BRSK2: variants seen among roughly 807,000 people sequenced by gnomAD.
BRSK2 encodes BR serine/threonine kinase 2.
A neutral mutation model predicts 83.3 loss-of-function variants in BRSK2; 19 were observed. The observed-to-expected ratio is 0.23, with a 90% CI of 0.16 to 0.33. The LOEUF is 0.33. BRSK2 is among the 10% of genes least tolerant of loss of function. The probability of loss-of-function intolerance (pLI) is 1.00; values close to 1 mark genes in which losing one functional copy is unlikely to be tolerated. For synonymous variants in BRSK2, 519 were observed against 435.4 expected (o/e 1.19, Z -2.39); for missense variants, 798 against 1,042.3 (o/e 0.77, Z 3.23).
intron 1 of BRSK2, among the ~76,000 whole-genome samples, chr11:1,429,176 T>G (rs904338915): frequency 4.9e-5 from 7 of 143,272 alleles, no homozygotes; most frequent in Non-Finnish European, 1.1e-4. Flanking sequence ...GTGTGTGTCC[T>G]GGGTGCATGC....
intron 1 of BRSK2, among the ~76,000 whole-genome samples, chr11:1,396,311 C>CTCCTCGT (rs1377694381): frequency 6.6e-6 from 1 of 152,062 alleles, no homozygotes; most frequent in African/African-American, 2.4e-5. Flanking sequence ...CTTACAGCCG[C>CTCCTCGT]CTCGAGGACT....
At chr11:1,436,181 G>A (rs1279170067) in intron 2 of BRSK2, 47 bp downstream of exon 2, 5 of 733,222 alleles carry the variant, frequency 6.8e-6, no homozygotes, top group Non-Finnish European at 7.7e-6. Context: ...GGGGTGGGGC[G>A]GGGAATAGCA....
chr11:1,423,965 T>C lies in BRSK2; in HGVS notation c.92-12075T>C, dbSNP rs1326294283. On this transcript the variant is annotated intron_variant, in intron 1 of 19. Coordinates refer to ENST00000528841, the MANE Select transcript of BRSK2 (RefSeq NM_001256627.2). The surrounding 1 kb of genome is among the most constrained non-coding windows in gnomAD (Gnocchi z 6.5). ...CACACTTTCCTCGGCCTTTCTCTGA[T>C]AGGAAGGCTGGTAGTTGGGTTTAGT... 1.3e-5 allele frequency among the ~76,000 whole-genome samples: 2 copies of C among 152,054 alleles called. No individual in the cohort carries two copies. Among genetic ancestry groups the C allele is most frequent in the Non-Finnish European group, 2.9e-5 (2 of 68,014 alleles).
At chr11:1,414,117 A>T (rs1459748781) in intron 1 of BRSK2, among the ~76,000 whole-genome samples, 1 of 152,266 alleles carries the variant, frequency 6.6e-6, no homozygotes, top group Admixed American at 6.5e-5. Flanking sequence ...ACATAAAGAT[A>T]TTCAAATTAA....
chr11:1,416,297 C>G (rs1043270221), intron 1 of BRSK2, among the ~76,000 whole-genome samples: 3 of 152,214 alleles, frequency 2.0e-5, no homozygotes, highest in Non-Finnish European at 4.4e-5. Context: ...GACGTCCTTC[C>G]AGCCACACAG....
chr11:1,450,576 C>T lies in BRSK2; in HGVS notation c.1288-11C>T, dbSNP rs369326270. On this transcript the variant is annotated splice_polypyrimidine_tract_variant and intron_variant, in intron 13 of 19. Transcript: ENST00000528841. ...ATTGAACCAAACACCAAATCTGTCC[C>T]CACCATACAGGTGACCCCTCACCCC... The T allele has an allele frequency of 4.5e-4, 686 of 1,515,364 alleles. 1 individual carries two copies. Among genetic ancestry groups the T allele is most frequent in the South Asian group, 1.1e-3 (89 of 83,936 alleles). 93.9% of individuals were successfully genotyped at this position (1,515,364 alleles called of 1,614,324 possible). A position where few individuals can be genotyped will look rare whatever the true frequency, so the allele number is the denominator to read the frequency against.
intron 1 of BRSK2, among the ~76,000 whole-genome samples, chr11:1,427,323 A>G (rs1221034787): frequency 1.3e-5 from 2 of 152,108 alleles, no homozygotes; most frequent in Non-Finnish European, 2.9e-5. Context: ...AAGGCCCCTC[A>G]CTTCTTGGCC....
At chr11:1,435,923 C>T (rs551352724) in intron 1 of BRSK2, 117 bp from the exon 2 acceptor site, 284 of 694,188 alleles carry the variant, frequency 4.1e-4, no homozygotes, top group Admixed American at 1.2e-3. Context: ...GGCCCTGGAG[C>T]GGGTGGGACC....
At position 1,461,058 on chromosome 11, in the gene BRSK2, CCT is replaced by C; in HGVS notation, c.*336_*337del. 1 of 1,601,326 alleles carries C rather than the reference CCT, an allele frequency of 6.2e-7. No homozygotes were observed. The highest frequency in any genetic ancestry group is 2.2e-5 in the East Asian group (1 of 44,686). ...GCTGCGGACCCGCCCTCCCTCCGCT[CCT>C]GCTGTTGCTGCCGGGCAGTGAGGCC... On this transcript the variant is annotated 3_prime_UTR_variant, in exon 20 of 20. Coordinates refer to ENST00000528841, the MANE Select transcript of BRSK2 (RefSeq NM_001256627.2).
Position 1,438,252 on chromosome 11 carries a change from G to A in BRSK2, c.187-54G>A. ...GCACCAAAGGCAGTGTCTGTGGGGA[G>A]CGATGCGTGCCCCAGCCCTGTGAGC... On this transcript the variant is annotated intron_variant, in intron 2 of 19. Transcript: ENST00000528841. This position sits in a 1 kb window ranked among gnomAD's most constrained non-coding sequence, Gnocchi z 6.4. 1 of 1,551,496 alleles carries A rather than the reference G, an allele frequency of 6.4e-7. No homozygotes were observed. Among genetic ancestry groups the A allele is most frequent in the South Asian group, 1.1e-5 (1 of 89,364 alleles).
chr11:1,439,547 C>T (rs759186577), intron 3 of BRSK2, among the ~76,000 whole-genome samples: 5 of 118,616 alleles, frequency 4.2e-5, no homozygotes, highest in African/African-American at 1.3e-4. Flanking sequence ...CAGGGGAGTG[C>T]GGGGGGGATG....
intron 1 of BRSK2, among the ~76,000 whole-genome samples, chr11:1,396,658 C>G (rs182278795): frequency 1.3e-5 from 2 of 152,374 alleles, no homozygotes; most frequent in Non-Finnish European, 2.9e-5. Context: ...TCTGTGCCTT[C>G]CAGTCCTCAC....
chr11:1,451,239 T>C (rs1590655685), intron 14 of BRSK2, 132 bp from the exon 15 acceptor site: 1 of 985,130 alleles, frequency 1.0e-6, no homozygotes. Flanking sequence ...GGTGGACCAG[T>C]GCCCCTGGGG....
At chr11:1,437,324 C>A (rs1262676649) in intron 2 of BRSK2, among the ~76,000 whole-genome samples, 1 of 152,176 alleles carries the variant, frequency 6.6e-6, no homozygotes. Context: ...CATCACAAGA[C>A]TGGCCCTAGC....
chr11:1,454,650 A>G lies in BRSK2; in HGVS notation c.1668+42A>G, dbSNP rs377183298. The G allele has an allele frequency of 4.2e-5, 67 of 1,607,380 alleles. No individual in the cohort carries two copies. Among genetic ancestry groups the G allele is most frequent in the Non-Finnish European group, 5.1e-5 (60 of 1,178,004 alleles). On this transcript the variant is annotated intron_variant, in intron 16 of 19. Coordinates refer to ENST00000528841, the MANE Select transcript of BRSK2 (RefSeq NM_001256627.2). This position sits in a 1 kb window ranked among gnomAD's most constrained non-coding sequence, Gnocchi z 5.2. ...CTGGGGGAGGCGGGCAGCCCTCCCA[A>G]CCCCACACGGCCCAGCCCCGAGAAT... is the stretch of plus-strand genomic sequence containing the variant.
In BRSK2 at chr11:1,438,810, G is replaced by C. The variant is rs1305949105; in HGVS notation, c.272+419G>C. Among the ~76,000 whole-genome samples the C allele has an allele frequency of 3.3e-5, 5 of 152,168 alleles. No individual in the cohort carries two copies. The highest frequency in any genetic ancestry group is 9.7e-5 in the African/African-American group (4 of 41,434). Reference sequence around the variant, plus strand: ...TATCCCTGAGGCTCCCTCACACGAGGCACAGCCACCAGGATCCCGCCCTGG... The same window carrying C: ...TATCCCTGAGGCTCCCTCACACGAGCCACAGCCACCAGGATCCCGCCCTGG... On this transcript the variant is annotated intron_variant, in intron 3 of 19. Transcript: ENST00000528841. The surrounding 1 kb of genome is among the most constrained non-coding windows in gnomAD (Gnocchi z 6.4).
In BRSK2 at chr11:1,456,410, G is replaced by T. The variant is rs757214274; in HGVS notation, c.1731G>T (p.Thr577=). The T allele has an allele frequency of 2.5e-6, 4 of 1,598,678 alleles. No homozygotes were observed. The highest frequency in any genetic ancestry group is 2.6e-6 in the Non-Finnish European group (3 of 1,173,396). Reference sequence around the variant, plus strand: ...GCTTCCGGGCCGAGTACAAGGCCACGGGGGGGCCAGCCGTGTTCCAGAAGC... The same window carrying T: ...GCTTCCGGGCCGAGTACAAGGCCACTGGGGGGCCAGCCGTGTTCCAGAAGC... ...QTSFRAEYKA[T]GGPAVFQKPV... Residue 577 remains threonine, a synonymous_variant, in exon 17 of 20, where the codon ACG becomes ACT. Coordinates refer to ENST00000528841, the MANE Select transcript of BRSK2 (RefSeq NM_001256627.2).
chr11:1,448,536 C>T (rs1335578748), intron 12 of BRSK2, among the ~76,000 whole-genome samples: 2 of 152,212 alleles, frequency 1.3e-5, no homozygotes, highest in Non-Finnish European at 2.9e-5. Context: ...CAGGGCTCGG[C>T]CCCTCCACCC....
At chr11:1,420,205 T>A (rs546309395) in intron 1 of BRSK2, among the ~76,000 whole-genome samples, 1 of 152,190 alleles carries the variant, frequency 6.6e-6, no homozygotes, top group Non-Finnish European at 1.5e-5. Flanking sequence ...GGGCAGGAAG[T>A]GGGGTGGCCT....
Sources: gnomAD v4.1 joint callset for allele counts (sites outside exome capture counted in the v4.1 genomes callset) on GRCh38, gnomAD v4.1.1 for gene constraint, Gnocchi (gnomAD v3.1) non-coding constraint, MANE v1.5 for transcripts, NCBI Gene and HGNC (gene_info 2026-07-23, HGNC 2026-07-21) for gene names.